Variants in CABIN1 observed in about 807,000 individuals in gnomAD.
CABIN1 encodes calcineurin-binding protein cabin-1.
In CABIN1, 133 loss-of-function variants were observed where a neutral mutation model predicts 227.7. That is an observed-to-expected ratio of 0.58 (90% confidence interval 0.51 to 0.67). The LOEUF is 0.67. CABIN1 is among the 30% of genes least tolerant of loss of function. The pLI, the probability that CABIN1 is intolerant of heterozygous loss-of-function variation, is 0.00. For synonymous variants in CABIN1, 1,086 were observed against 1,155.1 expected, an observed-to-expected ratio of 0.94 and a Z score of 1.21; for missense variants, 2,408 against 2,852.5, an observed-to-expected ratio of 0.84 and a Z score of 3.55.
chr22:24,139,612 T>G (rs1037585928), intron 29 of CABIN1, among the ~76,000 whole-genome samples: 1 of 152,166 alleles, frequency 6.6e-6, no homozygotes, highest in Non-Finnish European at 1.5e-5. Flanking sequence ...CGACTTTGCT[T>G]TTTCCATGAC....
At chr22:24,098,891 C>T (rs994521892) in intron 26 of CABIN1, among the ~76,000 whole-genome samples, 1 of 152,148 alleles carries the variant, frequency 6.6e-6, no homozygotes, top group Non-Finnish European at 1.5e-5. Flanking sequence ...AAAGTGGAGT[C>T]CTGGGAGGTA....
At chr22:24,090,010 A>G (rs1016205795) in intron 23 of CABIN1, among the ~76,000 whole-genome samples, 1 of 152,202 alleles carries the variant, frequency 6.6e-6, no homozygotes, top group East Asian at 1.9e-4. Flanking sequence ...TGAGGTGCCT[A>G]TTCTGCTCTG....
At chr22:24,045,503 C>T (rs1324985172) in intron 6 of CABIN1, among the ~76,000 whole-genome samples, 22 of 149,784 alleles carry the variant, frequency 1.5e-4, no homozygotes, top group African/African-American at 4.9e-4. Flanking sequence ...CACCTGTAGT[C>T]CCAGCTACTT....
In CABIN1 at chr22:24,061,952, G is replaced by T. The variant is rs775709682; in HGVS notation, c.1623G>T (p.Met541Ile). ...RDCSNKHIKD[M>I]MLMSLSCMEL... ...TTCCTGTGTCTGTCCTGCAGGACAT[G>T]ATGCTGATGTCTCTCTCCTGCATGG... Residue 541 changes from methionine (M) to isoleucine (I), a missense_variant, in exon 13 of 37, where the codon ATG becomes ATT. Met to Ile is a conservative substitution (Grantham distance 10). Coordinates refer to ENST00000263119, the MANE Select transcript of CABIN1 (RefSeq NM_012295.4). 1.9e-6 allele frequency: 3 copies of T among 1,613,484 alleles called. No individual in the cohort carries two copies. The highest frequency in any genetic ancestry group is 2.5e-6 in the Non-Finnish European group (3 of 1,179,490).
intron 34 of CABIN1, chr22:24,175,801 G>A (rs2047070675): frequency 4.0e-6 from 2 of 495,668 alleles, no homozygotes; most frequent in East Asian, 7.5e-5. Flanking sequence ...ACTGCCTTGT[G>A]ATGGGATCTT....
At chr22:24,143,388 G>T (rs1488645366) in intron 29 of CABIN1, among the ~76,000 whole-genome samples, 2 of 152,218 alleles carry the variant, frequency 1.3e-5, no homozygotes, top group African/African-American at 4.8e-5. Flanking sequence ...CCAGTGCTAG[G>T]CTGTGGCATC....
chr22:24,054,897 G>A lies in CABIN1; in HGVS notation c.831G>A (p.Leu277=). The A allele has an allele frequency of 1.2e-6, 2 of 1,614,194 alleles. No homozygotes were observed. The highest frequency in any genetic ancestry group is 2.2e-5 in the East Asian group (1 of 44,884). Residue 277 remains leucine (L), a synonymous_variant, in exon 9 of 37, where the codon TTG becomes TTA. Transcript: ENST00000263119. ...FFTWKCLGES[L]LAMYNHLTTC... The stretch of plus-strand genomic sequence containing the variant: ...GCTGGAAGTGCCTCGGAGAGAGCTT[G>A]CTGGCCATGTACAATCATCTCACCA...
At chr22:24,042,818 CTG>C (rs56070926) in intron 5 of CABIN1, 84 bp from the exon 6 acceptor site, 33,554 of 680,062 alleles carry the variant, frequency 0.049, 243 homozygotes, top group Middle Eastern at 0.087. Flanking sequence ...AGAGATCTGA[CTG>C]TGTGTGTGTG....
chr22:24,071,204 C>G (rs759725524), intron 17 of CABIN1, 162 bp downstream of exon 17: 3 of 958,144 alleles, frequency 3.1e-6, no homozygotes, highest in Non-Finnish European at 4.8e-6. Context: ...GGGGTTTGTG[C>G]GCAGGCTGCA....
intron 19 of CABIN1, among the ~76,000 whole-genome samples, chr22:24,082,592 G>T (rs1377971865): frequency 6.6e-6 from 1 of 152,034 alleles, no homozygotes; most frequent in Non-Finnish European, 1.5e-5. Context: ...TCCAGTTTTG[G>T]CAAAAATCTC....
chr22:24,047,730 A>T (rs774380021), intron 6 of CABIN1, among the ~76,000 whole-genome samples: 2 of 152,202 alleles, frequency 1.3e-5, no homozygotes, highest in Non-Finnish European at 2.9e-5. Context: ...CCATGCGCAG[A>T]TTTCTACTTC....
In CABIN1 at chr22:24,176,122, C is replaced by G. The variant is rs1164795241; in HGVS notation, c.6052C>G (p.Leu2018Val). 6.2e-6 allele frequency: 10 copies of G among 1,610,734 alleles called. No homozygotes were observed. Among genetic ancestry groups the G allele is most frequent in the African/African-American group, 2.7e-5 (2 of 74,914 alleles). Residue 2018 changes from leucine to valine, a missense_variant, in exon 35 of 37, where the codon CTG becomes GTG. Leu to Val is a conservative substitution (Grantham distance 32). This residue lies in a region of CABIN1 where 714 missense variants were observed against 773.8 expected (regional missense o/e 0.92). Transcript: ENST00000263119. ...CCATGTCCCCACAGAGGGAGAAGAGCTGGCGAGAGTGGCAGAGGGCACCAG... is the reference window on the plus strand; with the variant it reads ...CCATGTCCCCACAGAGGGAGAAGAGGTGGCGAGAGTGGCAGAGGGCACCAG... ...MASLGPEGEE[L>V]ARVAEGTSFP...
At chr22:24,056,112 A>G in intron 9 of CABIN1, 80 bp from the exon 10 acceptor site, 1 of 1,177,756 alleles carries the variant, frequency 8.5e-7, no homozygotes, top group Non-Finnish European at 1.3e-6. Context: ...TTTATAAAAG[A>G]GGGAGATTGA....
intron 1 of CABIN1, among the ~76,000 whole-genome samples, chr22:24,023,217 T>C (rs1213380393): frequency 6.6e-6 from 1 of 152,264 alleles, no homozygotes; most frequent in Non-Finnish European, 1.5e-5. Flanking sequence ...ATAGAGCATG[T>C]ATCACAATTT....
At chr22:24,084,468 T>C (rs977358234) in intron 20 of CABIN1, 111 bp from the exon 21 acceptor site, 2 of 913,162 alleles carry the variant, frequency 2.2e-6, no homozygotes, top group African/African-American at 3.3e-5. Context: ...CTCTCCAATA[T>C]GCCATAACCT....
chr22:24,090,004 G>T (rs559254638), intron 23 of CABIN1, among the ~76,000 whole-genome samples: 3 of 152,216 alleles, frequency 2.0e-5, no homozygotes, highest in Non-Finnish European at 4.4e-5. Context: ...GGTGAATGAG[G>T]TGCCTATTCT....
chr22:24,064,244 C>T (rs915413972), intron 15 of CABIN1, 57 bp downstream of exon 15: 53 of 1,588,510 alleles, frequency 3.3e-5, no homozygotes, highest in Admixed American at 2.2e-4. Context: ...TCACTTTTGT[C>T]GCCTAGGCTG....
At chr22:24,147,427 CTTTCT>C (rs1251174388) in intron 29 of CABIN1, among the ~76,000 whole-genome samples, 1 of 149,440 alleles carries the variant, frequency 6.7e-6, no homozygotes, top group African/African-American at 2.5e-5. Context: ...CTTCCCTCCT[CTTTCT>C]TTTCTTTTCT....
intron 10 of CABIN1, 79 bp from the exon 11 acceptor site, chr22:24,059,146 TAG>T (rs2039012000): frequency 4.8e-5 from 76 of 1,571,936 alleles, no homozygotes; most frequent in Non-Finnish European, 6.4e-5. Flanking sequence ...GACTCAGATT[TAG>T]TTTCTCTAAC....
Sources: gnomAD v4.1 joint callset for allele counts (sites outside exome capture counted in the v4.1 genomes callset) on GRCh38, gnomAD v4.1.1 for gene constraint, gnomAD v4.1.1 regional missense constraint, MANE v1.5 for transcripts, NCBI Gene and HGNC (gene_info 2026-07-23, HGNC 2026-07-21) for gene names.